FKBP1B: variants seen among roughly 807,000 people sequenced by gnomAD.
The protein encoded by FKBP1B is peptidyl-prolyl cis-trans isomerase FKBP1B.
FKBP1B carries 4 observed loss-of-function variants against 13.5 expected under a neutral mutation model. That is an observed-to-expected ratio of 0.30 (90% CI 0.15 to 0.68). The LOEUF (loss-of-function observed/expected upper bound fraction) is 0.68. Ranked by LOEUF, FKBP1B falls within the 30% of genes least tolerant of loss-of-function variation. The pLI is 0.76. For synonymous variants in FKBP1B, 54 were observed against 53.6 expected, an observed-to-expected ratio of 1.01 and a Z score of -0.03; for missense variants, 93 against 136.2, an observed-to-expected ratio of 0.68 and a Z score of 1.58.
chr2:24,036,226 C>A, the FKBP1B span, among the ~76,000 whole-genome samples: 1 of 151,846 alleles, frequency 6.6e-6, no homozygotes, highest in Non-Finnish European at 1.5e-5. Context: ...AGGGTTGGGG[C>A]CACATGCAGT....
At chr2:24,061,474 A>T (rs913786606) in intron 3 of FKBP1B, among the ~76,000 whole-genome samples, 1 of 152,094 alleles carries the variant, frequency 6.6e-6, no homozygotes, top group Admixed American at 6.6e-5. Context: ...CAAAAAAATA[A>T]ACTAGCTGAG....
chr2:24,049,696 C>T (rs1663752695), upstream of FKBP1B: 1 of 504,142 alleles, frequency 2.0e-6, no homozygotes, highest in Non-Finnish European at 3.1e-6. Flanking sequence ...GCCAGTGGCC[C>T]CTCCCCGCGC....
chr2:24,037,898 G>T, the FKBP1B span: 4 of 1,614,038 alleles, frequency 2.5e-6, no homozygotes, highest in Admixed American at 1.7e-5. Context: ...GTGCTGGTGT[G>T]GTCTGGTGTG....
the FKBP1B span, among the ~76,000 whole-genome samples, chr2:24,034,883 T>C: frequency 1.3e-5 from 2 of 152,226 alleles, no homozygotes; most frequent in South Asian, 4.1e-4. Flanking sequence ...CCAAACATGG[T>C]TGTTTTAACC....
Position 24,063,462 on chromosome 2 carries a change from G to A in FKBP1B, c.*270G>A. On this transcript the variant is annotated 3_prime_UTR_variant, in exon 4 of 4. Transcript: ENST00000380986. ...CATGTAGTAGCCTTTCCTGATGACAGAACACAGATCTCTTGTTCGCACAAT... is the reference window on the plus strand; with the variant it reads ...CATGTAGTAGCCTTTCCTGATGACAAAACACAGATCTCTTGTTCGCACAAT... The A allele has an allele frequency of 5.4e-6, 2 of 370,066 alleles. No homozygotes were observed. Among genetic ancestry groups the A allele is most frequent in the Non-Finnish European group, 4.8e-6 (1 of 207,040 alleles). The allele number at this position is 370,066 out of a possible 1,614,324, so 22.9% of individuals were successfully genotyped here. A position where few individuals can be genotyped will look rare whatever the true frequency, so the allele number is the denominator to read the frequency against.
At chr2:24,056,320 G>A (rs1007604676) in intron 2 of FKBP1B, among the ~76,000 whole-genome samples, 22 of 151,306 alleles carry the variant, frequency 1.5e-4, no homozygotes, top group South Asian at 4.2e-4. Context: ...TCTGGTGAGC[G>A]TTCAGTACCA....
chr2:24,044,305 C>T, the FKBP1B span, among the ~76,000 whole-genome samples: 3 of 152,014 alleles, frequency 2.0e-5, no homozygotes, highest in South Asian at 4.2e-4. Flanking sequence ...AGTCTTGCTC[C>T]GTTACCCAGG....
At chr2:24,038,318 A>T in the FKBP1B span, 1 of 1,614,228 alleles carries the variant, frequency 6.2e-7, no homozygotes, top group South Asian at 1.1e-5. Context: ...TCTGTCAAGA[A>T]ACATATCCCT....
At chr2:24,046,693 C>A (rs768445003), upstream of FKBP1B, among the ~76,000 whole-genome samples, 1 of 152,088 alleles carries the variant, frequency 6.6e-6, no homozygotes, top group African/African-American at 2.4e-5. Flanking sequence ...ATTTCAAGTT[C>A]TTTACACTTA....
intron 2 of FKBP1B, among the ~76,000 whole-genome samples, chr2:24,056,331 T>C (rs1204093054): frequency 6.6e-6 from 1 of 151,690 alleles, no homozygotes; most frequent in Non-Finnish European, 1.5e-5. Context: ...TTCAGTACCA[T>C]TTCATTGTGG....
chr2:24,043,231 G>A, the FKBP1B span, among the ~76,000 whole-genome samples: 1 of 152,172 alleles, frequency 6.6e-6, no homozygotes, highest in Non-Finnish European at 1.5e-5. Context: ...AGCTACTTGG[G>A]AGGCTGAGAC....
rs894399624 is a variant in FKBP1B, at chr2:24,050,780, A to G, written c.37+894A>G. The stretch of plus-strand genomic sequence containing the variant: ...CATATCAGATATTATTAATATGAAC[A>G]GCTCCCCTCCCCAGGAAATTGGATA... On this transcript the variant is annotated intron_variant, in intron 1 of 3. Transcript: ENST00000380986. This position sits in a 1 kb window ranked among gnomAD's most constrained non-coding sequence, Gnocchi z 5.8. Among the ~76,000 whole-genome samples the G allele has an allele frequency of 2.0e-5, 3 of 152,160 alleles. No homozygotes were observed. The highest frequency in any genetic ancestry group is 4.8e-5 in the African/African-American group (2 of 41,436).
At chr2:24,057,276 G>T (rs1356584760) in intron 2 of FKBP1B, among the ~76,000 whole-genome samples, 1 of 151,788 alleles carries the variant, frequency 6.6e-6, no homozygotes, top group Non-Finnish European at 1.5e-5. Flanking sequence ...GCTCACTGCA[G>T]CCTTGACCTC....
At chr2:24,035,737 A>C in the FKBP1B span, among the ~76,000 whole-genome samples, 4 of 151,884 alleles carry the variant, frequency 2.6e-5, no homozygotes, top group South Asian at 6.2e-4. Flanking sequence ...CAACATAGCA[A>C]GACCTTGTCT....
Position 24,063,482 on chromosome 2 carries a change from C to CT in FKBP1B, c.*290_*291insT. On this transcript the variant is annotated 3_prime_UTR_variant, in exon 4 of 4. Coordinates refer to ENST00000380986, the MANE Select transcript of FKBP1B (RefSeq NM_004116.5). ...TGACAGAACACAGATCTCTTGTTCG[C>CT]ACAATCTACACTGCCTTACCTTCAC... is the stretch of plus-strand genomic sequence containing the variant. The CT allele has an allele frequency of 2.7e-6, 1 of 369,120 alleles. No homozygotes were observed. The highest frequency in any genetic ancestry group is 5.8e-5 in the South Asian group (1 of 17,268). 22.9% of individuals were successfully genotyped at this position (369,120 alleles called of 1,614,324 possible). A position where few individuals can be genotyped will look rare whatever the true frequency, so the allele number is the denominator to read the frequency against.
At chr2:24,048,868 T>A (rs1033917325), upstream of FKBP1B, among the ~76,000 whole-genome samples, 4 of 152,166 alleles carry the variant, frequency 2.6e-5, no homozygotes, top group Non-Finnish European at 5.9e-5. Flanking sequence ...TCAGACTTAG[T>A]ACCTGGAAGA....
the FKBP1B span, among the ~76,000 whole-genome samples, chr2:24,043,041 A>AG: frequency 2.0e-5 from 3 of 151,792 alleles, no homozygotes; most frequent in South Asian, 6.3e-4. Context: ...CTCAAAAAAA[A>AG]AAAAAAAAAT....
chr2:24,059,136 G>T (rs1360280051), intron 2 of FKBP1B, among the ~76,000 whole-genome samples: 1 of 152,348 alleles, frequency 6.6e-6, no homozygotes, highest in Non-Finnish European at 1.5e-5. Flanking sequence ...GTCTCTGGAT[G>T]TACAAGCAAG....
chr2:24,037,150 G>A, the FKBP1B span, among the ~76,000 whole-genome samples: 1 of 152,178 alleles, frequency 6.6e-6, no homozygotes, highest in South Asian at 2.1e-4. Context: ...GCTTTCCCAA[G>A]TAGCTGGGAT....
Sources: allele counts gnomAD v4.1 joint callset (sites outside exome capture counted in the v4.1 genomes callset), GRCh38; gene constraint gnomAD v4.1.1; non-coding constraint Gnocchi (gnomAD v3.1); transcripts MANE v1.5; gene names NCBI Gene and HGNC (gene_info 2026-07-23, HGNC 2026-07-21).